Variants in OSBPL6 observed in about 807,000 individuals in gnomAD.
OSBPL6 encodes the protein oxysterol binding protein like 6, also known as oxysterol-binding protein-related protein 6.
A neutral mutation model predicts 125.8 loss-of-function variants in OSBPL6; 49 were observed. The ratio of observed to expected loss-of-function variants is 0.39; its 90% CI spans 0.31 to 0.49. OSBPL6 has a LOEUF of 0.49. Ranked by LOEUF, OSBPL6 falls within the 20% of genes least tolerant of loss-of-function variation. OSBPL6 has a pLI of 0.88. For synonymous variants in OSBPL6, 394 were observed against 391.8 expected (o/e 1.01, Z -0.07); for missense variants, 986 against 1,135.4 (o/e 0.87, Z 1.89).
At chr2:178,318,234 T>A (rs1280052095) in intron 3 of OSBPL6, among the ~76,000 whole-genome samples, 2 of 152,190 alleles carry the variant, frequency 1.3e-5, no homozygotes, top group Non-Finnish European at 2.9e-5. Context: ...CAGGGTGTCT[T>A]AAAACAGGCC....
At chr2:178,209,762 C>CTA (rs1441360793) in intron 1 of OSBPL6, among the ~76,000 whole-genome samples, 1 of 151,972 alleles carries the variant, frequency 6.6e-6, no homozygotes, top group African/African-American at 2.4e-5. Flanking sequence ...CCCACTCTCA[C>CTA]TACAGTAGCA....
intron 24 of OSBPL6, among the ~76,000 whole-genome samples, chr2:178,395,239 C>A (rs540747756): frequency 1.3e-5 from 2 of 152,126 alleles, no homozygotes; most frequent in Admixed American, 1.3e-4. Flanking sequence ...TTCCTCTCCC[C>A]CTGGCCCTAC....
chr2:178,299,956 G>A (rs1645083913), intron 2 of OSBPL6, among the ~76,000 whole-genome samples: 1 of 152,132 alleles, frequency 6.6e-6, no homozygotes, highest in South Asian at 2.1e-4. Flanking sequence ...TTGCATCTAG[G>A]ATTTTCTAAT....
Position 178,331,601 on chromosome 2 carries a change from T to G in OSBPL6, c.368T>G (p.Leu123Arg). The G allele has an allele frequency of 6.2e-7, 1 of 1,614,060 alleles. No homozygotes were observed. ...ATGTTAAAGTATTCAAAGGCACCAC[T>G]CGATGTAAGTAGCACACAGGACATG... ...NGMLKYSKAPLDIQKGKVHGS... is the reference protein window; with the variant it reads ...NGMLKYSKAPRDIQKGKVHGS... Residue 123 changes from leucine (L) to arginine (R), a missense_variant, in exon 6 of 25, where the codon CTC (leucine) becomes CGC (arginine). Leu to Arg is a moderately radical substitution (Grantham distance 102). Around this residue, in one of 3 missense-constraint regions of OSBPL6, gnomAD observed 843 missense variants for 997.3 expected, o/e 0.85. Transcript: ENST00000190611.
intron 2 of OSBPL6, among the ~76,000 whole-genome samples, chr2:178,294,353 A>G (rs1685541003): frequency 6.6e-6 from 1 of 152,212 alleles, no homozygotes; most frequent in African/African-American, 2.4e-5. Flanking sequence ...ATATTTCTCC[A>G]GATTTGGTTT....
chr2:178,355,132 C>T (rs908707235), intron 12 of OSBPL6, among the ~76,000 whole-genome samples: 1 of 152,120 alleles, frequency 6.6e-6, no homozygotes, highest in Non-Finnish European at 1.5e-5. Context: ...CAAGAGAAAG[C>T]AGGAAGATCC....
chr2:178,348,409 C>G (rs1690930355), intron 11 of OSBPL6, among the ~76,000 whole-genome samples: 1 of 152,154 alleles, frequency 6.6e-6, no homozygotes. Context: ...GTTTGGCTGA[C>G]ATTTGTAATG....
At chr2:178,333,944 T>C (rs554797248) in intron 8 of OSBPL6, among the ~76,000 whole-genome samples, 1 of 152,310 alleles carries the variant, frequency 6.6e-6, no homozygotes, top group Non-Finnish European at 1.5e-5. Flanking sequence ...GACATAGCCA[T>C]TAAACAGCTG....
intron 13 of OSBPL6, among the ~76,000 whole-genome samples, chr2:178,365,226 C>T (rs1692721066): frequency 6.6e-6 from 1 of 151,948 alleles, no homozygotes; most frequent in Non-Finnish European, 1.5e-5. Flanking sequence ...ACTTTTAAAG[C>T]CTATGTTTTA....
rs778278164 is a variant in OSBPL6, at chr2:178,328,284, G to A, written c.224G>A (p.Gly75Glu). 6 of 1,613,784 alleles carry A rather than the reference G, an allele frequency of 3.7e-6. No individual in the cohort carries two copies. Among genetic ancestry groups the A allele is most frequent in the Non-Finnish European group, 5.1e-6 (6 of 1,179,806 alleles). The change falls in exon 5 of 25, where the codon GGG becomes GAG. Residue 75 changes from glycine (G) to glutamate (E), a missense_variant. Gly to Glu is a moderately conservative substitution (Grantham distance 98). This residue lies in a region of OSBPL6 where 130 missense variants were observed against 106.4 expected (regional missense o/e 1.22). Coordinates refer to ENST00000190611, the MANE Select transcript of OSBPL6 (RefSeq NM_032523.4). ...GCTGACAGCTGGGAAATTATAGAAG[G>A]GCTGAAAATAGGCCAAACCAATGTC... ...KEADSWEIIE[G>E]LKIGQTNVQK... is the part of the protein sequence containing the mutation.
At chr2:178,324,869 T>C (rs1352429706) in intron 4 of OSBPL6, among the ~76,000 whole-genome samples, 4 of 152,216 alleles carry the variant, frequency 2.6e-5, no homozygotes, top group Non-Finnish European at 4.4e-5. Context: ...CCACAACCAA[T>C]GCTTGTCAGC....
intron 2 of OSBPL6, among the ~76,000 whole-genome samples, chr2:178,305,517 A>G (rs1412196386): frequency 2.0e-5 from 3 of 152,232 alleles, no homozygotes; most frequent in African/African-American, 7.2e-5. Flanking sequence ...TGAGGTACAA[A>G]TAAATGTGGA....
chr2:178,275,909 A>G (rs1244344616), intron 1 of OSBPL6, among the ~76,000 whole-genome samples: 5 of 152,190 alleles, frequency 3.3e-5, no homozygotes, highest in African/African-American at 1.2e-4. Context: ...CTTTTTCCAG[A>G]TGAGGAACCC....
At chr2:178,390,639 T>C (rs1215475600) in intron 21 of OSBPL6, among the ~76,000 whole-genome samples, 1 of 152,210 alleles carries the variant, frequency 6.6e-6, no homozygotes, top group Non-Finnish European at 1.5e-5. Flanking sequence ...GGAAGGAGTA[T>C]GGCTGGAAGG....
At chr2:178,277,961 C>T (rs1242466685) in intron 1 of OSBPL6, among the ~76,000 whole-genome samples, 2 of 152,224 alleles carry the variant, frequency 1.3e-5, no homozygotes, top group Non-Finnish European at 2.9e-5. Flanking sequence ...AATCTCTCAC[C>T]AGCATTTGAG....
chr2:178,260,218 T>C (rs1684909229), intron 1 of OSBPL6, among the ~76,000 whole-genome samples: 1 of 152,192 alleles, frequency 6.6e-6, no homozygotes, highest in Non-Finnish European at 1.5e-5. Context: ...GACCAATGAA[T>C]TGTTTTTTTA....
intron 1 of OSBPL6, among the ~76,000 whole-genome samples, chr2:178,220,743 G>A (rs1418206983): frequency 6.6e-6 from 1 of 152,214 alleles, no homozygotes; most frequent in Non-Finnish European, 1.5e-5. Flanking sequence ...AAAATGTGAT[G>A]TTGCAGCAGC....
intron 3 of OSBPL6, among the ~76,000 whole-genome samples, chr2:178,319,350 C>G: frequency 6.6e-6 from 1 of 152,164 alleles, no homozygotes; most frequent in East Asian, 1.9e-4. Context: ...TTTTATTTCA[C>G]TCATTTCTAC....
intron 1 of OSBPL6, among the ~76,000 whole-genome samples, chr2:178,227,300 G>A (rs542918910): frequency 6.6e-6 from 1 of 152,312 alleles, no homozygotes; most frequent in East Asian, 1.9e-4. Context: ...AGAAAAGTCT[G>A]TTAATATCTA....
Sources: allele counts gnomAD v4.1 joint callset (sites outside exome capture counted in the v4.1 genomes callset), GRCh38; gene constraint gnomAD v4.1.1; regional missense constraint gnomAD v4.1.1; transcripts MANE v1.5; gene names NCBI Gene and HGNC (gene_info 2026-07-23, HGNC 2026-07-21).